Variants in PANK1 observed in about 807,000 individuals in gnomAD.
PANK1 encodes pantothenic acid kinase 1.
PANK1 carries 18 observed loss-of-function variants against 40.1 expected under a neutral mutation model. The observed-to-expected ratio is 0.45, with a 90% confidence interval of 0.31 to 0.67. PANK1 has a LOEUF of 0.67. Among genes scored for constraint, PANK1 ranks in the 30% least tolerant of loss-of-function variants. PANK1 has a pLI of 0.06. For missense variants in PANK1, 457 were observed against 599.6 expected, an observed-to-expected ratio of 0.76 and a Z score of 2.48; for synonymous variants, 242 against 237.7, an observed-to-expected ratio of 1.02 and a Z score of -0.17.
chr10:89,629,857 GATTC>G (rs1441129684), intron 1 of PANK1, among the ~76,000 whole-genome samples: 2 of 152,196 alleles, frequency 1.3e-5, no homozygotes, highest in Non-Finnish European at 2.9e-5. Flanking sequence ...AATCAAAACT[GATTC>G]AGTAGTTTGA....
At chr10:89,601,446 A>C (rs1844784438) in intron 2 of PANK1, among the ~76,000 whole-genome samples, 1 of 151,476 alleles carries the variant, frequency 6.6e-6, no homozygotes, top group Non-Finnish European at 1.5e-5. Context: ...GTGTCACTGC[A>C]CTCCAGCCTG....
intron 5 of PANK1, 122 bp downstream of exon 5, chr10:89,593,075 G>T: frequency 2.1e-6 from 2 of 964,098 alleles, no homozygotes; most frequent in South Asian, 1.5e-5. Context: ...TGTAAAGTGT[G>T]ACTAGAGTAA....
chr10:89,628,902 C>T (rs913107601), intron 1 of PANK1, among the ~76,000 whole-genome samples: 5 of 152,124 alleles, frequency 3.3e-5, no homozygotes, highest in Admixed American at 2.0e-4. Flanking sequence ...ACATGCGCTT[C>T]CCAGGCTGCT....
In PANK1 at chr10:89,644,601, C is replaced by T. The variant is rs1207345504; in HGVS notation, c.291G>A (p.Pro97=). 17 of 1,589,028 alleles carry T rather than the reference C, an allele frequency of 1.1e-5. No homozygotes were observed. The highest frequency in any genetic ancestry group is 1.4e-5 in the Non-Finnish European group (16 of 1,172,598). Residue 97 remains proline (P), a splice_region_variant and synonymous_variant, in exon 1 of 7, where the codon CCG becomes CCA. Coordinates refer to ENST00000307534, the MANE Select transcript of PANK1 (RefSeq NM_148977.3). ...RRMDSGRKNR[P]PFPWFGMDIG... ...CGCTCCCCTCCCAGCGGGACTTACG[C>T]GGCCTGTTCTTTCTCCCCGAGTCCA... is the stretch of plus-strand genomic sequence containing the variant.
chr10:89,595,207 T>C (rs991876892), intron 3 of PANK1, among the ~76,000 whole-genome samples: 1 of 152,110 alleles, frequency 6.6e-6, no homozygotes, highest in Admixed American at 6.5e-5. Context: ...TACCAGCACT[T>C]TGGGAGGCTG....
intron 1 of PANK1, among the ~76,000 whole-genome samples, chr10:89,636,377 T>C (rs34312679): frequency 0.083 from 12,565 of 151,678 alleles, 795 homozygotes; most frequent in South Asian, 0.14. Flanking sequence ...GGAGTTGGAG[T>C]GCAGGTTGGC....
chr10:89,607,067 G>A (rs1286377612), intron 2 of PANK1, among the ~76,000 whole-genome samples: 2 of 152,130 alleles, frequency 1.3e-5, no homozygotes, highest in Non-Finnish European at 2.9e-5. Context: ...TTCACAGCTT[G>A]GCTAACCATA....
chr10:89,637,820 ACT>A (rs1241040700), intron 1 of PANK1, among the ~76,000 whole-genome samples: 3 of 152,138 alleles, frequency 2.0e-5, no homozygotes, highest in South Asian at 2.1e-4. Flanking sequence ...AAATTTTTTG[ACT>A]CTTGTAATAA....
intron 5 of PANK1, among the ~76,000 whole-genome samples, chr10:89,590,233 A>G (rs1156395734): frequency 1.3e-5 from 2 of 152,126 alleles, no homozygotes; most frequent in Non-Finnish European, 2.9e-5. Context: ...TAAATGGAAA[A>G]TATTATCAGT....
At position 89,586,738 on chromosome 10, in the gene PANK1, T is replaced by C. The variant is rs145120890; in HGVS notation, c.1326+1914A>G. Among the ~76,000 whole-genome samples the C allele has an allele frequency of 1.1e-3, 175 of 152,338 alleles. 2 individuals carry two copies. Among genetic ancestry groups the C allele is most frequent in the African/African-American group, 4.0e-3 (166 of 41,598 alleles). On this transcript the variant is annotated intron_variant, in intron 6 of 6. Transcript: ENST00000307534. ...ACAAGAGATTAGATACCTCCAGTGATAGCTCATTGCAGCACTGCAGCATTG... is the reference window on the plus strand; with the variant it reads ...ACAAGAGATTAGATACCTCCAGTGACAGCTCATTGCAGCACTGCAGCATTG...
chr10:89,629,897 T>C (rs1420565595), intron 1 of PANK1, among the ~76,000 whole-genome samples: 5 of 152,242 alleles, frequency 3.3e-5, no homozygotes, highest in Admixed American at 3.3e-4. Flanking sequence ...ATGTTTCAGC[T>C]TCTTGCTGAA....
intron 6 of PANK1, among the ~76,000 whole-genome samples, chr10:89,587,044 A>C (rs966241203): frequency 6.6e-6 from 1 of 151,858 alleles, no homozygotes; most frequent in East Asian, 1.9e-4. Context: ...AATTGCTTGA[A>C]CCTGGGAGGT....
intron 1 of PANK1, among the ~76,000 whole-genome samples, chr10:89,640,848 C>G (rs1281498236): frequency 6.6e-6 from 1 of 152,192 alleles, no homozygotes; most frequent in African/African-American, 2.4e-5. Flanking sequence ...AACACTGTTC[C>G]TGTCTTTGGT....
Position 89,588,327 on chromosome 10 carries a change from G to A in PANK1, c.1326+325C>T, listed in dbSNP as rs574876450. Among the ~76,000 whole-genome samples, 11 of 152,276 alleles carry A rather than the reference G, an allele frequency of 7.2e-5. No individual in the cohort carries two copies. In the South Asian group the frequency reaches 2.1e-3, roughly 29 times the overall value. On this transcript the variant is annotated intron_variant, in intron 6 of 6. Coordinates refer to ENST00000307534, the MANE Select transcript of PANK1 (RefSeq NM_148977.3). ...TACTGATTTTAAATCTTTTGGGTAAGTATTCAGAGGTGGAACTGCTGGATC... is the reference window on the plus strand; with the variant it reads ...TACTGATTTTAAATCTTTTGGGTAAATATTCAGAGGTGGAACTGCTGGATC...
intron 1 of PANK1, among the ~76,000 whole-genome samples, chr10:89,613,147 C>T (rs940166488): frequency 2.6e-5 from 4 of 152,328 alleles, no homozygotes; most frequent in African/African-American, 9.6e-5. Flanking sequence ...TAATGCCATG[C>T]TGTCAAATGC....
chr10:89,608,741 T>C (rs933824379), intron 2 of PANK1, among the ~76,000 whole-genome samples: 23 of 152,234 alleles, frequency 1.5e-4, no homozygotes, highest in African/African-American at 5.5e-4. Flanking sequence ...AACAGGACTT[T>C]ATAGGTATGT....
At chr10:89,621,881 T>G (rs1272430595) in intron 1 of PANK1, among the ~76,000 whole-genome samples, 1 of 152,198 alleles carries the variant, frequency 6.6e-6, no homozygotes, top group African/African-American at 2.4e-5. Flanking sequence ...GCCTTGCTAA[T>G]TTTTGTAGTT....
At chr10:89,616,566 C>A (rs912337040) in intron 1 of PANK1, among the ~76,000 whole-genome samples, 9 of 152,066 alleles carry the variant, frequency 5.9e-5, no homozygotes, top group Non-Finnish European at 1.0e-4. Context: ...TTGTAGTGTA[C>A]TACGACTATG....
At chr10:89,623,615 G>A (rs1048424392) in intron 1 of PANK1, among the ~76,000 whole-genome samples, 2 of 151,850 alleles carry the variant, frequency 1.3e-5, no homozygotes, top group Non-Finnish European at 2.9e-5. Flanking sequence ...TGATGCAAAA[G>A]AAAATGAAAT....
Sources: allele counts gnomAD v4.1 joint callset (sites outside exome capture counted in the v4.1 genomes callset), GRCh38; gene constraint gnomAD v4.1.1; transcripts MANE v1.5; gene names NCBI Gene and HGNC (gene_info 2026-07-23, HGNC 2026-07-21).